Variants in ANXA4 observed in about 807,000 individuals in gnomAD.
ANXA4 encodes annexin A4.
Under a neutral mutation model 49.8 loss-of-function variants are expected in ANXA4, and 39 were observed. The ratio of observed to expected loss-of-function variants is 0.78; its 90% CI spans 0.61 to 1.02. The LOEUF (loss-of-function observed/expected upper bound fraction) is 1.02, where lower values mean the gene tolerates loss of function less well. Ranked by LOEUF, ANXA4 falls within the 50% of genes least tolerant of loss-of-function variation. The pLI, the probability that ANXA4 is intolerant of heterozygous loss-of-function variation, is 0.00. For missense variants in ANXA4, 360 were observed against 410.1 expected, an observed-to-expected ratio of 0.88 and a Z score of 1.05; for synonymous variants, 134 against 152.5, an observed-to-expected ratio of 0.88 and a Z score of 0.89.
intron 8 of ANXA4, among the ~76,000 whole-genome samples, chr2:69,813,738 T>TTCTC (rs763588413): frequency 2.3e-5 from 3 of 132,000 alleles, no homozygotes; most frequent in South Asian, 4.7e-4. Context: ...AGACCCAGTA[T>TTCTC]TCTCTCTCTC....
At chr2:69,659,306 A>G (rs1469035572) in intron 2 of ANXA4, among the ~76,000 whole-genome samples, 1 of 152,254 alleles carries the variant, frequency 6.6e-6, no homozygotes, top group Admixed American at 6.5e-5. Flanking sequence ...TTTATGTTAT[A>G]AACCAAGATG....
At chr2:69,697,660 C>A (rs1048979387) in intron 2 of ANXA4, among the ~76,000 whole-genome samples, 20 of 152,202 alleles carry the variant, frequency 1.3e-4, no homozygotes, top group Admixed American at 8.5e-4. Flanking sequence ...GCACATGATT[C>A]TTCCTTTCAC....
At chr2:69,752,450 G>C (rs1169307915) in intron 1 of ANXA4, among the ~76,000 whole-genome samples, 1 of 152,176 alleles carries the variant, frequency 6.6e-6, no homozygotes, top group African/African-American at 2.4e-5. Context: ...TTTAGCCTTG[G>C]AGAAACATGA....
rs1192269262 is a variant in ANXA4, at chr2:69,719,260, CTTTTTTT to C, written n.767-1494_767-1488del. 7.5e-5 allele frequency among the ~76,000 whole-genome samples: 5 copies of C among 66,570 alleles called. No individual in the cohort carries two copies. The East Asian group carries it at 1.6e-3, about 21-fold the overall frequency. The allele number at this position is 66,570 out of a possible 152,430, so 43.7% of individuals were successfully genotyped here. A position where few individuals can be genotyped will look rare whatever the true frequency, so the allele number is the denominator to read the frequency against. ...TTCTAACCATTGACTATTTTCCAGTCTTTTTTTTTTTTTTTTTTTTTTTTTTGAGGCA... is the reference window on the plus strand; with the variant it reads ...TTCTAACCATTGACTATTTTCCAGTCTTTTTTTTTTTTTTTTTTTGAGGCA... On this transcript the variant is annotated intron_variant and non_coding_transcript_variant, in intron 2 of 3. Coordinates refer to the ANXA4 transcript ENST00000418066.
intron 3 of ANXA4, among the ~76,000 whole-genome samples, chr2:69,788,741 G>C (rs1001720541): frequency 1.3e-5 from 2 of 151,716 alleles, no homozygotes. Flanking sequence ...AGGAGGCTGA[G>C]GCAGGAGAAT....
chr2:69,676,183 T>C (rs1350635021), intron 2 of ANXA4, among the ~76,000 whole-genome samples: 3 of 152,080 alleles, frequency 2.0e-5, no homozygotes, highest in East Asian at 1.9e-4. Flanking sequence ...ATAAGAAATA[T>C]ATTAATGTTA....
chr2:69,667,011 A>G (rs1244395524), intron 2 of ANXA4, among the ~76,000 whole-genome samples: 2 of 152,176 alleles, frequency 1.3e-5, no homozygotes, highest in Non-Finnish European at 2.9e-5. Context: ...ACATCACTGC[A>G]CTTCAGCCTG....
chr2:69,762,863 TCACACACTCA>T (rs1302701232), intron 1 of ANXA4, among the ~76,000 whole-genome samples: 3 of 150,526 alleles, frequency 2.0e-5, no homozygotes, highest in Non-Finnish European at 4.4e-5. Flanking sequence ...ACACACTCAC[TCACACACTCA>T]CACACACTCA....
At chr2:69,760,169 A>G (rs1424973493) in intron 1 of ANXA4, among the ~76,000 whole-genome samples, 1 of 152,094 alleles carries the variant, frequency 6.6e-6, no homozygotes, top group Admixed American at 6.5e-5. Flanking sequence ...AGGTATTAGT[A>G]TTACATTTTC....
At chr2:69,777,060 G>A (rs995701043) in intron 1 of ANXA4, among the ~76,000 whole-genome samples, 3 of 152,200 alleles carry the variant, frequency 2.0e-5, no homozygotes, top group African/African-American at 4.8e-5. Flanking sequence ...ATGATAAAGA[G>A]CTACAGATCA....
At chr2:69,710,726 T>A (rs1250531658) in intron 2 of ANXA4, among the ~76,000 whole-genome samples, 1 of 152,158 alleles carries the variant, frequency 6.6e-6, no homozygotes, top group Non-Finnish European at 1.5e-5. Flanking sequence ...ATTAGTCACC[T>A]GAGAAATACA....
At chr2:69,749,877 C>T (rs1670767303) in intron 1 of ANXA4, among the ~76,000 whole-genome samples, 1 of 150,934 alleles carries the variant, frequency 6.6e-6, no homozygotes. Context: ...GAGCCGAGAT[C>T]ATGCCCCTAC....
chr2:69,725,818 G>A (rs1418525687), intron 3 of ANXA4, among the ~76,000 whole-genome samples: 2 of 152,056 alleles, frequency 1.3e-5, no homozygotes, highest in African/African-American at 4.8e-5. Context: ...GAAAACAATG[G>A]CATTTTAAGA....
chr2:69,760,436 C>A (rs1671237193), intron 1 of ANXA4, among the ~76,000 whole-genome samples: 1 of 152,154 alleles, frequency 6.6e-6, no homozygotes, highest in South Asian at 2.1e-4. Flanking sequence ...AAGCCAAAAT[C>A]TGTAGTCTCA....
intron 2 of ANXA4, among the ~76,000 whole-genome samples, chr2:69,699,239 G>T (rs1037278247): frequency 6.6e-6 from 1 of 152,152 alleles, no homozygotes; most frequent in African/African-American, 2.4e-5. Context: ...TTGGTCTCCT[G>T]GCCCCACCTT....
chr2:69,650,835 G>T (rs1676206394), intron 1 of ANXA4, among the ~76,000 whole-genome samples: 1 of 152,160 alleles, frequency 6.6e-6, no homozygotes. Flanking sequence ...AGTTTAAAAA[G>T]AAATCGATTT....
chr2:69,714,061 C>T (rs1678782361), intron 2 of ANXA4, among the ~76,000 whole-genome samples: 1 of 152,196 alleles, frequency 6.6e-6, no homozygotes, highest in African/African-American at 2.4e-5. Context: ...TGCCAAAGAC[C>T]ACAGTGCCTG....
At chr2:69,765,686 A>G (rs1206317197) in intron 1 of ANXA4, among the ~76,000 whole-genome samples, 1 of 152,194 alleles carries the variant, frequency 6.6e-6, no homozygotes, top group African/African-American at 2.4e-5. Context: ...AGCCAGAATA[A>G]TGCTTTTGAG....
intron 2 of ANXA4, among the ~76,000 whole-genome samples, chr2:69,656,203 A>G (rs1676435487): frequency 7.3e-6 from 1 of 137,520 alleles, no homozygotes; most frequent in African/African-American, 2.8e-5. Flanking sequence ...ATATATATAT[A>G]TACACACACA....
Sources: gnomAD v4.1 joint callset for allele counts (sites outside exome capture counted in the v4.1 genomes callset) on GRCh38, gnomAD v4.1.1 for gene constraint, MANE v1.5 for transcripts, NCBI Gene and HGNC (gene_info 2026-07-23, HGNC 2026-07-21) for gene names.